TMEM132D: variants seen among roughly 807,000 people sequenced by gnomAD.
TMEM132D encodes the protein transmembrane protein 132D, also known as mature OL transmembrane protein.
A neutral mutation model predicts 62.3 loss-of-function variants in TMEM132D; 21 were observed. The ratio of observed to expected loss-of-function variants is 0.34; its 90% confidence interval spans 0.24 to 0.49. TMEM132D has a LOEUF of 0.49. Ranked by LOEUF, TMEM132D falls within the 20% of genes least tolerant of loss-of-function variation. The pLI, the probability that TMEM132D is intolerant of heterozygous loss-of-function variation, is 0.99. For synonymous variants in TMEM132D, 621 were observed against 575.6 expected, an observed-to-expected ratio of 1.08 and a Z score of -1.13; for missense variants, 1,346 against 1,402.8, an observed-to-expected ratio of 0.96 and a Z score of 0.65.
intron 1 of TMEM132D, among the ~76,000 whole-genome samples, chr12:129,892,838 C>T (rs1045919731): frequency 4.6e-5 from 7 of 152,032 alleles, no homozygotes; most frequent in Non-Finnish European, 1.0e-4. Flanking sequence ...ACGAAGTGGC[C>T]TGATTTATGC....
At chr12:129,564,945 A>G (rs562333337) in intron 2 of TMEM132D, among the ~76,000 whole-genome samples, 123 of 152,292 alleles carry the variant, frequency 8.1e-4, no homozygotes, top group African/African-American at 2.9e-3. Flanking sequence ...AGCCCCTGAG[A>G]AAGGAAGGAG....
intron 1 of TMEM132D, among the ~76,000 whole-genome samples, chr12:129,765,903 C>T (rs944126339): frequency 1.3e-5 from 2 of 152,152 alleles, no homozygotes; most frequent in Non-Finnish European, 2.9e-5. Context: ...CTAGGAAGGG[C>T]TCTGCAGTAG....
chr12:129,826,298 C>T (rs377727918), intron 1 of TMEM132D, among the ~76,000 whole-genome samples: 2 of 152,120 alleles, frequency 1.3e-5, no homozygotes, highest in African/African-American at 4.8e-5. Context: ...GAGCACACAG[C>T]GTGGGTGAGA....
intron 3 of TMEM132D, among the ~76,000 whole-genome samples, chr12:129,477,942 A>G (rs1874320081): frequency 6.6e-6 from 1 of 152,208 alleles, no homozygotes; most frequent in Non-Finnish European, 1.5e-5. Context: ...GTCCTCAGGC[A>G]ATTTCATTGT....
chr12:129,832,090 T>C (rs1194173666), intron 1 of TMEM132D, among the ~76,000 whole-genome samples: 1 of 136,608 alleles, frequency 7.3e-6, no homozygotes, highest in Admixed American at 8.2e-5. Flanking sequence ...GGTTTCACCA[T>C]GTTGGCCAGG....
chr12:129,134,886 A>C (rs1171629946), intron 5 of TMEM132D, among the ~76,000 whole-genome samples: 2 of 152,226 alleles, frequency 1.3e-5, no homozygotes, highest in Admixed American at 6.5e-5. Flanking sequence ...ATCATGGTGC[A>C]TGTCATAGGC....
At chr12:129,809,733 A>G (rs1872112369) in intron 1 of TMEM132D, among the ~76,000 whole-genome samples, 1 of 152,204 alleles carries the variant, frequency 6.6e-6, no homozygotes, top group Non-Finnish European at 1.5e-5. Context: ...ATAAAAAATA[A>G]TAAGCCTCCA....
At chr12:129,499,982 A>ACT in intron 3 of TMEM132D, among the ~76,000 whole-genome samples, 2 of 141,100 alleles carry the variant, frequency 1.4e-5, no homozygotes, top group Admixed American at 7.1e-5. Flanking sequence ...TCTGTCCCCC[A>ACT]TCAGTCAGTT....
At chr12:129,161,253 T>C (rs1877392067) in intron 5 of TMEM132D, among the ~76,000 whole-genome samples, 1 of 152,164 alleles carries the variant, frequency 6.6e-6, no homozygotes, top group Admixed American at 6.5e-5. Context: ...CATCATTTAT[T>C]CTAAATAAAT....
intron 4 of TMEM132D, among the ~76,000 whole-genome samples, chr12:129,312,361 A>C (rs1464160846): frequency 6.6e-6 from 1 of 152,194 alleles, no homozygotes; most frequent in Non-Finnish European, 1.5e-5. Context: ...AGATTTATTA[A>C]GTTTTAGAAT....
chr12:129,634,465 C>A (rs1879428306), intron 2 of TMEM132D, among the ~76,000 whole-genome samples: 1 of 129,922 alleles, frequency 7.7e-6, no homozygotes, highest in African/African-American at 3.0e-5. Context: ...AAGAGTGAAA[C>A]CTTGTCTCAA....
chr12:129,260,214 G>C (rs1273224135), intron 4 of TMEM132D, among the ~76,000 whole-genome samples: 1 of 152,190 alleles, frequency 6.6e-6, no homozygotes, highest in Non-Finnish European at 1.5e-5. Flanking sequence ...CAAGCGAGTA[G>C]GGTGATACAG....
At chr12:129,078,245 G>A (rs1036613615) in intron 8 of TMEM132D, among the ~76,000 whole-genome samples, 13 of 152,240 alleles carry the variant, frequency 8.5e-5, no homozygotes, top group African/African-American at 2.9e-4. Context: ...TGGTGGATGA[G>A]GGGTGGGCCT....
At chr12:129,687,345 G>A in intron 2 of TMEM132D, among the ~76,000 whole-genome samples, 1 of 152,116 alleles carries the variant, frequency 6.6e-6, no homozygotes, top group East Asian at 1.9e-4. Flanking sequence ...CTACCATAGA[G>A]ATGGTAGACT....
chr12:129,359,769 G>C (rs988509852), intron 3 of TMEM132D, among the ~76,000 whole-genome samples: 1 of 152,108 alleles, frequency 6.6e-6, no homozygotes, highest in African/African-American at 2.4e-5. Context: ...CACTGAGAAT[G>C]AATAAGTTTA....
intron 2 of TMEM132D, among the ~76,000 whole-genome samples, chr12:129,586,479 C>A (rs1001465300): frequency 6.6e-6 from 1 of 152,204 alleles, no homozygotes; most frequent in African/African-American, 2.4e-5. Flanking sequence ...ATTGACTCCT[C>A]ACACTTCCGG....
At chr12:129,213,482 G>A (rs1879110920) in intron 4 of TMEM132D, among the ~76,000 whole-genome samples, 1 of 150,788 alleles carries the variant, frequency 6.6e-6, no homozygotes, top group Non-Finnish European at 1.5e-5. Flanking sequence ...GGGCAACAGA[G>A]CGAGGCCTTC....
At position 129,274,243 on chromosome 12, in the gene TMEM132D, G is replaced by A. The variant is rs77252070; in HGVS notation, c.1299+63391C>T. ...TCCTCAAACCTGCCAGCTTTTCAGT[G>A]GATAGGCCAGAACAATGTGTGCTCT... On this transcript the variant is annotated intron_variant, in intron 4 of 8. Transcript: ENST00000422113. Among the ~76,000 whole-genome samples, 1,464 of 149,848 alleles carry A rather than the reference G, an allele frequency of 9.8e-3. 54 individuals carry two copies. Among genetic ancestry groups the A allele is most frequent in the African/African-American group, 0.032 (1,243 of 39,260 alleles).
At chr12:129,547,097 AAGAATCCTCCCATT>A (rs1405835915) in intron 2 of TMEM132D, among the ~76,000 whole-genome samples, 1 of 152,122 alleles carries the variant, frequency 6.6e-6, no homozygotes, top group Non-Finnish European at 1.5e-5. Flanking sequence ...GGCTCTAGGG[AAGAATCCTCCCATT>A]GCTGCCTCTG....
Sources: allele counts gnomAD v4.1 joint callset (sites outside exome capture counted in the v4.1 genomes callset), GRCh38; gene constraint gnomAD v4.1.1; transcripts MANE v1.5; gene names NCBI Gene and HGNC (gene_info 2026-07-23, HGNC 2026-07-21).